RARB: variants seen among roughly 807,000 people sequenced by gnomAD.
The protein encoded by RARB is retinoic acid receptor beta, also known as HBV-activated protein.
A neutral mutation model predicts 51.9 loss-of-function variants in RARB; 17 were observed. The observed-to-expected ratio is 0.33, with a 90% CI of 0.22 to 0.49. The LOEUF (loss-of-function observed/expected upper bound fraction) is 0.49. Ranked by LOEUF, RARB falls within the 20% of genes least tolerant of loss-of-function variation. The probability of loss-of-function intolerance (pLI) is 0.99; values close to 1 mark genes in which losing one functional copy is unlikely to be tolerated. For synonymous variants in RARB, 215 were observed against 195.4 expected, an observed-to-expected ratio of 1.10 and a Z score of -0.84; for missense variants, 369 against 550.8, an observed-to-expected ratio of 0.67 and a Z score of 3.30.
In RARB at chr3:25,569,803, A is replaced by G; in HGVS notation, c.494A>G (p.Gln165Arg). ...AAGAAAAAGAAGGAGACTTCGAAGC[A>G]AGAATGCACAGAGAGCTATGAAATG... ...RNKKKKETSK[Q>R]ECTESYEMTA... Residue 165 changes from glutamine to arginine, a missense_variant, in exon 4 of 8, where the codon CAA becomes CGA. Around this residue, in one of 9 missense-constraint regions of RARB, gnomAD observed 46 missense variants for 43.2 expected, o/e 1.07. Transcript: ENST00000330688. 6.2e-7 allele frequency: 1 copy of G among 1,614,212 alleles called. No individual in the cohort carries two copies. Among genetic ancestry groups the G allele is most frequent in the Non-Finnish European group, 8.5e-7 (1 of 1,180,028 alleles).
intron 5 of RARB, among the ~76,000 whole-genome samples, chr3:25,229,154 C>T (rs1702121150): frequency 6.6e-6 from 1 of 152,092 alleles, no homozygotes; most frequent in East Asian, 1.9e-4. Flanking sequence ...TTTTTACACC[C>T]CAACTTGGAG....
At chr3:25,339,492 G>A (rs1335196965) in intron 5 of RARB, among the ~76,000 whole-genome samples, 1 of 151,936 alleles carries the variant, frequency 6.6e-6, no homozygotes, top group African/African-American at 2.4e-5. Flanking sequence ...CTGCGCGGGA[G>A]TCTCTGAGTC....
chr3:25,173,336 G>A (rs1394748681), intron 4 of RARB, among the ~76,000 whole-genome samples: 2 of 152,188 alleles, frequency 1.3e-5, no homozygotes, highest in Non-Finnish European at 2.9e-5. Flanking sequence ...TTGGCACTGT[G>A]TATATCTCTA....
At chr3:25,213,979 A>G (rs1701759475) in intron 5 of RARB, among the ~76,000 whole-genome samples, 2 of 152,266 alleles carry the variant, frequency 1.3e-5, no homozygotes, top group Admixed American at 1.3e-4. Flanking sequence ...ACCAAAGCAT[A>G]GAAATACTAG....
At chr3:24,975,891 G>T (rs1166525437) in intron 2 of RARB, among the ~76,000 whole-genome samples, 2 of 152,068 alleles carry the variant, frequency 1.3e-5, no homozygotes, top group Non-Finnish European at 2.9e-5. Flanking sequence ...TTTACATTAG[G>T]TATTTCTCCC....
chr3:25,183,181 T>A (rs1028669382), intron 5 of RARB, among the ~76,000 whole-genome samples: 1 of 152,220 alleles, frequency 6.6e-6, no homozygotes, highest in African/African-American at 2.4e-5. Flanking sequence ...TTAATTTGTT[T>A]ATTTTCTCAT....
chr3:25,262,476 A>G (rs1703024466), intron 5 of RARB, among the ~76,000 whole-genome samples: 1 of 152,200 alleles, frequency 6.6e-6, no homozygotes, highest in African/African-American at 2.4e-5. Flanking sequence ...CTAACGTCAA[A>G]GCATCAGCAG....
At chr3:25,461,140 T>G in intron 1 of RARB, 53 bp from the exon 2 acceptor site, 1 of 1,493,936 alleles carries the variant, frequency 6.7e-7, no homozygotes, top group Non-Finnish European at 8.9e-7. Flanking sequence ...AAAAAAGTAA[T>G]GAACTAAAAT....
At chr3:25,123,728 C>G (rs940303501) in intron 3 of RARB, among the ~76,000 whole-genome samples, 1 of 152,172 alleles carries the variant, frequency 6.6e-6, no homozygotes, top group Non-Finnish European at 1.5e-5. Flanking sequence ...TATTTTGCTG[C>G]CTATTTTTAC....
chr3:25,258,571 T>A (rs1304762061), intron 5 of RARB, among the ~76,000 whole-genome samples: 4 of 152,088 alleles, frequency 2.6e-5, no homozygotes, highest in Non-Finnish European at 1.5e-5. Context: ...GCATTTGGAA[T>A]GTATAGTGGT....
intron 3 of RARB, among the ~76,000 whole-genome samples, chr3:25,527,788 CTG>C (rs1427764958): frequency 6.6e-6 from 1 of 152,174 alleles, no homozygotes; most frequent in Admixed American, 6.5e-5. Flanking sequence ...GTAAAACTAA[CTG>C]TGATTATCTT....
At position 25,185,611 on chromosome 3, in the gene RARB, T is replaced by G. The variant is rs143554692; in HGVS notation, c.178+11036T>G. ...AAAAGAACTCTACACTTAAGAATAT[T>G]TAGTAAATCATTTTTTTTATAATCA... On this transcript the variant is annotated intron_variant, in intron 5 of 11. Transcript: ENST00000383772. Among the ~76,000 whole-genome samples the G allele has an allele frequency of 1.8e-3, 270 of 152,190 alleles. 3 individuals are homozygous for G. Among genetic ancestry groups the G allele is most frequent in the Middle Eastern group, 0.017 (5 of 294 alleles).
At chr3:25,209,132 T>C (rs115679748) in intron 5 of RARB, among the ~76,000 whole-genome samples, 6 of 152,350 alleles carry the variant, frequency 3.9e-5, no homozygotes, top group African/African-American at 1.4e-4. Context: ...GACCACAGTT[T>C]AGTCAAAACT....
At chr3:25,243,012 G>T (rs1179018497) in intron 5 of RARB, among the ~76,000 whole-genome samples, 1 of 152,122 alleles carries the variant, frequency 6.6e-6, no homozygotes, top group Non-Finnish European at 1.5e-5. Flanking sequence ...TCTCCTTGAA[G>T]AGGTCCTTCA....
chr3:25,556,187 A>G (rs746967039), intron 3 of RARB, among the ~76,000 whole-genome samples: 3 of 152,160 alleles, frequency 2.0e-5, no homozygotes, highest in Admixed American at 6.5e-5. Flanking sequence ...TCTGTAGGCC[A>G]CAAAGAAGAT....
At chr3:25,426,324 C>G (rs150349731), upstream of RARB, among the ~76,000 whole-genome samples, 2,024 of 152,306 alleles carry the variant, frequency 0.013, 51 homozygotes, top group African/African-American at 0.047. Context: ...ATAACAAACA[C>G]AGATTCAGCA....
intron 5 of RARB, among the ~76,000 whole-genome samples, chr3:25,376,375 T>G (rs189136951): frequency 2.6e-5 from 4 of 152,310 alleles, no homozygotes; most frequent in African/African-American, 9.6e-5. Context: ...AATACTATCT[T>G]TTGTTAACGT....
intron 1 of RARB, among the ~76,000 whole-genome samples, chr3:24,850,544 G>A (rs948383438): frequency 1.3e-5 from 2 of 152,154 alleles, no homozygotes; most frequent in African/African-American, 4.8e-5. Flanking sequence ...AGATTTTGTT[G>A]TTTAATAGGG....
intron 2 of RARB, among the ~76,000 whole-genome samples, chr3:25,489,531 C>A (rs1342855256): frequency 6.6e-6 from 1 of 152,140 alleles, no homozygotes; most frequent in East Asian, 1.9e-4. Flanking sequence ...TATACTCCAT[C>A]ACAAAAAAAG....
Sources: gnomAD v4.1 joint callset for allele counts (sites outside exome capture counted in the v4.1 genomes callset) on GRCh38, gnomAD v4.1.1 for gene constraint, gnomAD v4.1.1 regional missense constraint, MANE v1.5 for transcripts, NCBI Gene and HGNC (gene_info 2026-07-23, HGNC 2026-07-21) for gene names.